NPAT: variants seen among roughly 807,000 people sequenced by gnomAD.
NPAT encodes the protein protein NPAT.
NPAT carries 52 observed loss-of-function variants against 130.7 expected under a neutral mutation model. That is an observed-to-expected ratio of 0.40 (90% CI 0.32 to 0.50). NPAT has a LOEUF of 0.50. NPAT is among the 20% of genes least tolerant of loss of function. The probability of loss-of-function intolerance (pLI) is 0.68; values close to 1 mark genes in which losing one functional copy is unlikely to be tolerated. For missense variants in NPAT, 1,687 were observed against 1,662.6 expected, an observed-to-expected ratio of 1.01 and a Z score of -0.26; for synonymous variants, 580 against 584.8, an observed-to-expected ratio of 0.99 and a Z score of 0.12.
chr11:108,160,352 G>C (rs1261220393), intron 17 of NPAT, among the ~76,000 whole-genome samples: 3 of 151,636 alleles, frequency 2.0e-5, no homozygotes, highest in Admixed American at 6.6e-5. Flanking sequence ...ACGTAAATTT[G>C]ATTTTTCCAC....
chr11:108,162,282 G>T, intron 15 of NPAT, 102 bp from the exon 16 acceptor site: 1 of 1,002,690 alleles, frequency 1.0e-6, no homozygotes. Flanking sequence ...AATTTTAAAT[G>T]GTAGCTAATG....
Position 108,157,435 on chromosome 11 carries a change from G to C in NPAT, c.*1507C>G, listed in dbSNP as rs2077807517. The C allele has an allele frequency of 6.6e-6, 1 of 152,098 alleles. No homozygotes were observed. 9.4% of individuals were successfully genotyped at this position (152,098 alleles called of 1,614,324 possible). On this transcript the variant is annotated 3_prime_UTR_variant, in exon 18 of 18. Transcript: ENST00000278612. ...TTTATTCAAACCTAACTGTAGTACA[G>C]TCTCAAGCTGAGTTAAATAAACATT...
chr11:108,171,995 A>T (rs1368666300), intron 13 of NPAT: 6 of 575,550 alleles, frequency 1.0e-5, no homozygotes, highest in Non-Finnish European at 1.8e-5. Context: ...AAAAACCACT[A>T]AAGCCCATAG....
chr11:108,172,668 G>C lies in NPAT; in HGVS notation c.2316C>G (p.Ile772Met), dbSNP rs1327731172. ...SINGENLPTIILSSPTKSPTK... is the reference protein window; with the variant it reads ...SINGENLPTIMLSSPTKSPTK... ...TAGGTGATTTAGTAGGAGAAGACAA[G>C]ATTATAGTTGGCAGGTTTTCTCCAT... Residue 772 changes from isoleucine (I) to methionine (M), a missense_variant, in exon 13 of 18, where the codon ATC becomes ATG. Physicochemically the swap from Ile to Met is conservative, Grantham distance 10 (BLOSUM62 1). Coordinates refer to ENST00000278612, the MANE Select transcript of NPAT (RefSeq NM_002519.3). 2 of 1,613,960 alleles carry C rather than the reference G, an allele frequency of 1.2e-6. No homozygotes were observed. The highest frequency in any genetic ancestry group is 4.5e-5 in the East Asian group (2 of 44,882).
chr11:108,157,532 T>C lies in NPAT; in HGVS notation c.*1410A>G, dbSNP rs562062404. 1 of 152,208 alleles carries C rather than the reference T, an allele frequency of 6.6e-6. No individual in the cohort carries two copies. Among genetic ancestry groups the C allele is most frequent in the African/African-American group, 2.4e-5 (1 of 41,566 alleles). 9.4% of individuals were successfully genotyped at this position (152,208 alleles called of 1,614,324 possible). On this transcript the variant is annotated 3_prime_UTR_variant, in exon 18 of 18. Transcript: ENST00000278612. Reference sequence around the variant, plus strand: ...TACAAATTTCTTACATCACAAGTTTTTGCAGTAAGGTTCAGCAATTAAGAA... The same window carrying C: ...TACAAATTTCTTACATCACAAGTTTCTGCAGTAAGGTTCAGCAATTAAGAA...
rs1380563390 is a variant in NPAT at position 108,215,266 on chromosome 11, T to C, written c.37+7234A>G. Reference sequence around the variant, plus strand: ...CTTTGAAGTACACTTATCTCAGTGCTGGCATAATAGTCAGTAAGTATTTGT... The same window carrying C: ...CTTTGAAGTACACTTATCTCAGTGCCGGCATAATAGTCAGTAAGTATTTGT... On this transcript the variant is annotated intron_variant, in intron 1 of 17. Transcript: ENST00000278612. Among the ~76,000 whole-genome samples, 3 of 152,158 alleles carry C rather than the reference T, an allele frequency of 2.0e-5. No homozygotes were observed. In the East Asian group the frequency reaches 5.8e-4, roughly 29 times the overall value.
intron 1 of NPAT, among the ~76,000 whole-genome samples, chr11:108,199,372 G>A (rs1284800936): frequency 2.6e-5 from 4 of 152,228 alleles, no homozygotes; most frequent in Non-Finnish European, 5.9e-5. Context: ...GGGTCAAGTG[G>A]GCAGAGAGGG....
chr11:108,202,746 A>C (rs769400180), intron 1 of NPAT, among the ~76,000 whole-genome samples: 2 of 152,140 alleles, frequency 1.3e-5, no homozygotes, highest in African/African-American at 2.4e-5. Flanking sequence ...ACCCAGGGGA[A>C]GACTGGCAGA....
chr11:108,215,776 C>A (rs1325680016), intron 1 of NPAT, among the ~76,000 whole-genome samples: 1 of 152,184 alleles, frequency 6.6e-6, no homozygotes, highest in Non-Finnish European at 1.5e-5. Flanking sequence ...GTTTTCCAAC[C>A]TCTTGCTAAC....
chr11:108,183,454 C>T (rs968605427), intron 10 of NPAT, among the ~76,000 whole-genome samples: 2 of 152,126 alleles, frequency 1.3e-5, no homozygotes, highest in African/African-American at 4.8e-5. Flanking sequence ...TTTCTATTGT[C>T]CAATGGTCCA....
chr11:108,191,601 A>T (rs919566020), intron 4 of NPAT, among the ~76,000 whole-genome samples: 1 of 152,254 alleles, frequency 6.6e-6, no homozygotes, highest in East Asian at 1.9e-4. Context: ...TAGGTGGGGT[A>T]GTCACTTATA....
intron 5 of NPAT, among the ~76,000 whole-genome samples, chr11:108,189,795 G>C (rs1416197565): frequency 9.3e-5 from 14 of 150,376 alleles, no homozygotes; most frequent in Admixed American, 7.9e-4. Context: ...GCGTGAACCC[G>C]GGAGGCGGAG....
Position 108,173,415 on chromosome 11 carries a change from G to C in NPAT, c.1569C>G (p.Asn523Lys). ...VSLGCEANNE[N>K]LILSGKSSQL... ...GAGAACTCTTCCCAGAGAGAATTAA[G>C]TTTTCATTGTTAGCTTCACAACCAA... Residue 523 changes from asparagine to lysine, a missense_variant, in exon 13 of 18, where the codon AAC (asparagine) becomes AAG (lysine). Transcript: ENST00000278612. 6.2e-7 allele frequency: 1 copy of C among 1,614,106 alleles called. No homozygotes were observed. The highest frequency in any genetic ancestry group is 8.5e-7 in the Non-Finnish European group (1 of 1,180,008).
chr11:108,166,069 C>A (rs2077900284), intron 15 of NPAT, among the ~76,000 whole-genome samples: 1 of 151,858 alleles, frequency 6.6e-6, no homozygotes. Context: ...AGGAGTGGAG[C>A]CATTGTGCCC....
intron 12 of NPAT, among the ~76,000 whole-genome samples, chr11:108,175,305 A>C (rs1248896053): frequency 3.9e-5 from 6 of 152,168 alleles, no homozygotes; most frequent in Non-Finnish European, 8.8e-5. Context: ...CTTTGGTACC[A>C]CCCAATTTCA....
At chr11:108,207,659 G>A (rs1264506991) in intron 1 of NPAT, among the ~76,000 whole-genome samples, 1 of 152,246 alleles carries the variant, frequency 6.6e-6, no homozygotes, top group Non-Finnish European at 1.5e-5. Context: ...ATCGGAGTGG[G>A]CACCGGGAGC....
rs149524145 is a variant in NPAT at position 108,213,675 on chromosome 11, C to G, written c.37+8825G>C. On this transcript the variant is annotated intron_variant, in intron 1 of 17. Transcript: ENST00000278612. Reference sequence around the variant, plus strand: ...ACATCCTAAAACTCCTAAGGTAATACAAGGGGGCTGGAATAGCCAAAATAA... The same window carrying G: ...ACATCCTAAAACTCCTAAGGTAATAGAAGGGGGCTGGAATAGCCAAAATAA... Among the ~76,000 whole-genome samples the G allele has an allele frequency of 3.0e-3, 453 of 152,226 alleles. 3 individuals are homozygous for G. The highest frequency in any genetic ancestry group is 0.011 in the African/African-American group (441 of 41,546).
intron 2 of NPAT, among the ~76,000 whole-genome samples, chr11:108,195,857 G>A (rs1261208000): frequency 6.6e-6 from 1 of 152,216 alleles, no homozygotes; most frequent in Non-Finnish European, 1.5e-5. Context: ...GAACTCCTGA[G>A]TTCAAGCAAT....
In NPAT at chr11:108,161,949, G is replaced by A. The variant is rs117925274; in HGVS notation, c.3137C>T (p.Pro1046Leu). 5.0e-3 allele frequency: 8,048 copies of A among 1,603,722 alleles called. 31 individuals are homozygous for A. The highest frequency in any genetic ancestry group is 7.9e-3 in the Middle Eastern group (47 of 5,976). Residue 1046 changes from proline (P) to leucine (L), a missense_variant, in exon 17 of 18, where the codon CCC becomes CTC. Pro to Leu is a moderately conservative substitution (Grantham distance 98). Coordinates refer to ENST00000278612, the MANE Select transcript of NPAT (RefSeq NM_002519.3). ...TGGAACTATACTCTCTTCTGGGAAG[G>A]GAACTGTGGTTTCTTCTGATTTTTT... is the stretch of plus-strand genomic sequence containing the variant. ...LGKKSEETTV[P>L]FPEESIVPAA...
Sources: gnomAD v4.1 joint callset for allele counts (sites outside exome capture counted in the v4.1 genomes callset) on GRCh38, gnomAD v4.1.1 for gene constraint, MANE v1.5 for transcripts, NCBI Gene and HGNC (gene_info 2026-07-23, HGNC 2026-07-21) for gene names.